Variants in RFX8 observed in about 807,000 individuals in gnomAD.
The protein encoded by RFX8 is regulatory factor X8.
In RFX8, 46 loss-of-function variants were observed where a neutral mutation model predicts 54.6. That is an observed-to-expected ratio of 0.84 (90% CI 0.67 to 1.08). RFX8 has a LOEUF of 1.08. Among genes scored for constraint, RFX8 ranks in the 50% least tolerant of loss-of-function variants. The pLI is 0.00. For missense variants in RFX8, 536 were observed against 562.3 expected, an observed-to-expected ratio of 0.95 and a Z score of 0.47; for synonymous variants, 192 against 209.5, an observed-to-expected ratio of 0.92 and a Z score of 0.72.
At chr2:101,409,091 C>A (rs1685934963) in intron 9 of RFX8, among the ~76,000 whole-genome samples, 1 of 152,226 alleles carries the variant, frequency 6.6e-6, no homozygotes, top group African/African-American at 2.4e-5. Context: ...TAATCCTGCA[C>A]ATGCTTCATA....
chr2:101,400,137 G>A (rs1012343668), intron 11 of RFX8, among the ~76,000 whole-genome samples: 16 of 152,230 alleles, frequency 1.1e-4, no homozygotes, highest in African/African-American at 3.6e-4. Flanking sequence ...TGCTCTTCAC[G>A]CCTTCTAACT....
intron 9 of RFX8, among the ~76,000 whole-genome samples, chr2:101,406,282 A>C (rs1685733170): frequency 6.6e-6 from 1 of 151,716 alleles, no homozygotes; most frequent in South Asian, 2.1e-4. Flanking sequence ...GTTGGTGGAG[A>C]GAAGGAGGGA....
chr2:101,439,715 GA>G (rs1360663196), intron 2 of RFX8, among the ~76,000 whole-genome samples: 2 of 118,708 alleles, frequency 1.7e-5, no homozygotes, highest in South Asian at 2.7e-4. Context: ...TATTTAAGTA[GA>G]TTTTTTTTTT....
chr2:101,402,857 GC>G (rs749611036), intron 10 of RFX8, 105 bp from the exon 11 acceptor site: 1 of 1,035,832 alleles, frequency 9.7e-7, no homozygotes, highest in Non-Finnish European at 1.4e-6. Flanking sequence ...GTGTACGTGA[GC>G]CTCGTTCCAA....
intron 2 of RFX8, among the ~76,000 whole-genome samples, chr2:101,444,993 A>G (rs1365322812): frequency 6.6e-6 from 1 of 152,242 alleles, no homozygotes; most frequent in Non-Finnish European, 1.5e-5. Flanking sequence ...TGGTAGAGCC[A>G]GGCAGTCTGT....
chr2:101,418,872 G>T lies in RFX8; in HGVS notation c.330C>A (p.Cys110Ter). The change falls in exon 5 of 12, where the codon TGC (cysteine) becomes TGA (stop). Residue 110 changes from cysteine (C) to a stop codon, truncating the protein, a stop_gained. Coordinates refer to ENST00000428343, the MANE Select transcript of RFX8 (RefSeq NM_001145664.2). LOFTEE classifies it high-confidence loss of function. The stretch of plus-strand genomic sequence containing the variant: ...CTACCTTGTACAGCTGGACGTCGTA[G>T]CATTTAAAGAGCTGGCACACGTCAG... ...SLPDVCQLFK[C>*]YDVQLYKGIE... 1 of 1,549,906 alleles carries T rather than the reference G, an allele frequency of 6.5e-7. No individual in the cohort carries two copies. The highest frequency in any genetic ancestry group is 8.7e-7 in the Non-Finnish European group (1 of 1,145,226).
chr2:101,421,466 T>A, intron 4 of RFX8: 2 of 1,162,524 alleles, frequency 1.7e-6, no homozygotes, highest in South Asian at 4.2e-5. Flanking sequence ...AAAAAATAGC[T>A]GAATTTGTAT....
At chr2:101,440,573 A>G (rs1174752854) in intron 2 of RFX8, among the ~76,000 whole-genome samples, 3 of 152,180 alleles carry the variant, frequency 2.0e-5, no homozygotes, top group Non-Finnish European at 4.4e-5. Flanking sequence ...ATGATCCCTC[A>G]TGGGGGAGGG....
intron 2 of RFX8, among the ~76,000 whole-genome samples, chr2:101,435,277 G>A (rs563635442): frequency 4.6e-5 from 7 of 152,226 alleles, no homozygotes; most frequent in Non-Finnish European, 1.0e-4. Flanking sequence ...CTTTAATAAA[G>A]CCGAGCTGAA....
chr2:101,434,608 A>G (rs988722692), intron 2 of RFX8, among the ~76,000 whole-genome samples: 8 of 152,190 alleles, frequency 5.3e-5, no homozygotes, highest in African/African-American at 1.4e-4. Context: ...CGATAAAATG[A>G]TAACAGTTCC....
At position 101,439,416 on chromosome 2, in the gene RFX8, A is replaced by G. The variant is rs532753104; in HGVS notation, c.73-16944T>C. On this transcript the variant is annotated intron_variant, in intron 2 of 11. Transcript: ENST00000428343. ...TGGTCCAACTTTACATTTTCTTTTT[A>G]TGGATCATACTTCTGGTGTCTGGTC... is the stretch of plus-strand genomic sequence containing the variant. Among the ~76,000 whole-genome samples, 106 of 152,236 alleles carry G rather than the reference A, an allele frequency of 7.0e-4. 1 individual carries two copies. The highest frequency in any genetic ancestry group is 2.5e-3 in the Admixed American group (38 of 15,288).
At chr2:101,452,292 G>T in intron 2 of RFX8, 2 of 670,204 alleles carry the variant, frequency 3.0e-6, no homozygotes, top group Middle Eastern at 2.8e-4. Context: ...GTTATTTATA[G>T]TTTGTTTTGT....
In RFX8 at chr2:101,397,634, C is replaced by T; in HGVS notation, c.1336G>A (p.Asp446Asn). Residue 446 changes from aspartate to asparagine, a missense_variant, in exon 12 of 12, where the codon GAT (aspartate) becomes AAT (asparagine). Transcript: ENST00000428343. ...ATCTGAATCACAAATTGTTGTCCATCTTTTAGGGTTATGAGGGCTTCTTGT... is the reference window on the plus strand; with the variant it reads ...ATCTGAATCACAAATTGTTGTCCATTTTTTAGGGTTATGAGGGCTTCTTGT... Reference protein sequence around the residue: ...MGQEALITLKDGQQFVIQISD... With the variant: ...MGQEALITLKNGQQFVIQISD... 1 of 1,551,412 alleles carries T rather than the reference C, an allele frequency of 6.4e-7. No individual in the cohort carries two copies. Among genetic ancestry groups the T allele is most frequent in the South Asian group, 1.2e-5 (1 of 84,046 alleles).
intron 3 of RFX8, 117 bp from the exon 4 acceptor site, chr2:101,421,894 T>C: frequency 1.4e-6 from 1 of 721,458 alleles, no homozygotes; most frequent in Non-Finnish European, 2.3e-6. Context: ...CAAATGACAA[T>C]AGCTGCGCTC....
At chr2:101,416,178 G>C (rs1029921166) in intron 6 of RFX8, among the ~76,000 whole-genome samples, 1 of 152,086 alleles carries the variant, frequency 6.6e-6, no homozygotes, top group Non-Finnish European at 1.5e-5. Flanking sequence ...ACTGGGGGTG[G>C]AGGGAGTGTG....
chr2:101,418,056 A>AT (rs1027791148), intron 5 of RFX8, among the ~76,000 whole-genome samples: 6 of 151,814 alleles, frequency 4.0e-5, no homozygotes, highest in South Asian at 2.1e-4. Context: ...CACCTGGCTC[A>AT]TTTTTTTGTA....
chr2:101,451,277 T>C (rs989747102), intron 2 of RFX8, among the ~76,000 whole-genome samples: 5 of 152,334 alleles, frequency 3.3e-5, no homozygotes, highest in Non-Finnish European at 7.3e-5. Flanking sequence ...TTGGCTTCAA[T>C]GTCTTCTCGC....
Position 101,464,533 on chromosome 2 carries a change from G to T in RFX8, c.72+2244C>A, listed in dbSNP as rs565053929. On this transcript the variant is annotated intron_variant, in intron 2 of 11. Transcript: ENST00000428343. Reference sequence around the variant, plus strand: ...TTTGTTGTTTCTCTTGTAAACATACGTTGGGATCATATCCTTTTCCCTTCC... The same window carrying T: ...TTTGTTGTTTCTCTTGTAAACATACTTTGGGATCATATCCTTTTCCCTTCC... Among the ~76,000 whole-genome samples the T allele has an allele frequency of 1.9e-4, 29 of 152,314 alleles. No homozygotes were observed. In the South Asian group the frequency reaches 5.0e-3, roughly 26 times the overall value.
intron 9 of RFX8, among the ~76,000 whole-genome samples, chr2:101,407,736 C>T (rs1187086779): frequency 1.3e-5 from 2 of 152,000 alleles, no homozygotes; most frequent in East Asian, 1.9e-4. Context: ...CTAAAAGCAT[C>T]GAGGGATGCA....
Sources: allele counts gnomAD v4.1 joint callset (sites outside exome capture counted in the v4.1 genomes callset), GRCh38; gene constraint gnomAD v4.1.1; transcripts MANE v1.5; gene names NCBI Gene and HGNC (gene_info 2026-07-23, HGNC 2026-07-21).